Variants in ATP11A observed in about 807,000 individuals in gnomAD.
The protein encoded by ATP11A is ATPase phospholipid transporting 11A, also known as phospholipid-transporting ATPase IH.
ATP11A carries 81 observed loss-of-function variants against 154.4 expected under a neutral mutation model. The observed-to-expected ratio is 0.52, with a 90% CI of 0.44 to 0.63. ATP11A has a LOEUF of 0.63. Ranked by LOEUF, ATP11A falls within the 30% of genes least tolerant of loss-of-function variation. The probability of loss-of-function intolerance (pLI) is 0.00; values close to 1 mark genes in which losing one functional copy is unlikely to be tolerated. For synonymous variants in ATP11A, 623 were observed against 585.9 expected, an observed-to-expected ratio of 1.06 and a Z score of -0.91; for missense variants, 1,316 against 1,474.3, an observed-to-expected ratio of 0.89 and a Z score of 1.76.
In ATP11A at chr13:112,881,989, C is replaced by T. The variant is rs376186548; in HGVS notation, c.*123C>T. The T allele has an allele frequency of 1.3e-5, 18 of 1,367,718 alleles. No homozygotes were observed. The highest frequency in any genetic ancestry group is 2.1e-4 in the Middle Eastern group (1 of 4,790). The allele number at this position is 1,367,718 out of a possible 1,614,324, so 84.7% of individuals were successfully genotyped here. On this transcript the variant is annotated 3_prime_UTR_variant, in exon 30 of 30. Transcript: ENST00000375645. ...TGTCCACGGAGCCCCCACCCATCCT[C>T]GGCGGTTCCCATCACCACTGCAGTT... is the stretch of plus-strand genomic sequence containing the variant.
chr13:112,738,576 A>G (rs189203535), intron 1 of ATP11A, among the ~76,000 whole-genome samples: 9 of 152,326 alleles, frequency 5.9e-5, no homozygotes, highest in Non-Finnish European at 1.0e-4. Context: ...GGCTTCATGC[A>G]GCGCAGAGCT....
At chr13:112,756,309 T>C (rs2076831771) in intron 1 of ATP11A, among the ~76,000 whole-genome samples, 1 of 152,206 alleles carries the variant, frequency 6.6e-6, no homozygotes, top group African/African-American at 2.4e-5. Context: ...TGTCCATCGT[T>C]GCGGTGCCTT....
chr13:112,760,089 G>C (rs9577389), intron 1 of ATP11A, among the ~76,000 whole-genome samples: 46,422 of 152,148 alleles, frequency 0.31, 8,326 homozygotes, highest in Middle Eastern at 0.43. Context: ...CTGTTGAAGA[G>C]CAGTGTGTCA....
intron 20 of ATP11A, among the ~76,000 whole-genome samples, chr13:112,857,003 A>C (rs571358101): frequency 6.6e-6 from 1 of 152,264 alleles, no homozygotes; most frequent in Non-Finnish European, 1.5e-5. Flanking sequence ...TCTCCCTCAC[A>C]TGCGTAACTG....
intron 1 of ATP11A, among the ~76,000 whole-genome samples, chr13:112,715,677 C>T (rs1888383317): frequency 6.7e-6 from 1 of 149,188 alleles, no homozygotes; most frequent in Non-Finnish European, 1.5e-5. Context: ...CTTACTTTCT[C>T]TGGGAATTCT....
chr13:112,831,883 CAT>C (rs371253407), intron 13 of ATP11A, among the ~76,000 whole-genome samples: 24 of 152,288 alleles, frequency 1.6e-4, no homozygotes, highest in African/African-American at 5.1e-4. Context: ...CACACACACA[CAT>C]GCAGACACAC....
intron 1 of ATP11A, among the ~76,000 whole-genome samples, chr13:112,732,700 C>A (rs918764780): frequency 6.6e-6 from 1 of 152,210 alleles, no homozygotes; most frequent in Non-Finnish European, 1.5e-5. Context: ...CAACCTCCCC[C>A]TCCCAGGTTC....
intron 2 of ATP11A, among the ~76,000 whole-genome samples, chr13:112,796,894 A>G (rs1594730007): frequency 1.3e-5 from 2 of 152,176 alleles, no homozygotes; most frequent in East Asian, 1.9e-4. Flanking sequence ...AGACATGTCC[A>G]TAGAAACTTT....
intron 13 of ATP11A, 27 bp from the exon 14 acceptor site, chr13:112,832,833 G>A: frequency 6.2e-7 from 1 of 1,604,848 alleles, no homozygotes; most frequent in Non-Finnish European, 8.5e-7. Flanking sequence ...CCGTGATTTG[G>A]GGGTTCTGGG....
chr13:112,740,167 T>TATATAG (rs1566409049), intron 1 of ATP11A, among the ~76,000 whole-genome samples: 8 of 149,488 alleles, frequency 5.4e-5, no homozygotes, highest in African/African-American at 2.0e-4. Flanking sequence ...TATATATATA[T>TATATAG]ATAGATATCT....
intron 1 of ATP11A, among the ~76,000 whole-genome samples, chr13:112,780,381 G>GC (rs60344542): frequency 0.014 from 2,127 of 152,288 alleles, 64 homozygotes; most frequent in African/African-American, 0.049. Flanking sequence ...GCCCCCGGCA[G>GC]CCCCCGTCTC....
At chr13:112,805,687 A>AC (rs1403543324) in intron 3 of ATP11A, among the ~76,000 whole-genome samples, 1 of 151,686 alleles carries the variant, frequency 6.6e-6, no homozygotes, top group Non-Finnish European at 1.5e-5. Flanking sequence ...AAAAAAAAAA[A>AC]AAGAGAAAGA....
At chr13:112,766,917 T>C (rs867495568) in intron 1 of ATP11A, among the ~76,000 whole-genome samples, 599 of 3,952 alleles carry the variant, frequency 0.15, no homozygotes, top group Middle Eastern at 0.5. Flanking sequence ...GATGTGGGGG[T>C]GTTGGGGGCC....
At chr13:112,770,444 A>G (rs2077198599) in intron 1 of ATP11A, among the ~76,000 whole-genome samples, 1 of 152,220 alleles carries the variant, frequency 6.6e-6, no homozygotes, top group Non-Finnish European at 1.5e-5. Flanking sequence ...AGTCGTTACC[A>G]TGAGTGTGAC....
In ATP11A at chr13:112,824,340, G is replaced by C. The variant is rs7323586; in HGVS notation, c.791-4G>C. 450,897 of 1,610,210 alleles carry C rather than the reference G, an allele frequency of 0.28. 64,691 individuals carry two copies. Among genetic ancestry groups the C allele is most frequent in the Admixed American group, 0.29 (17,657 of 59,996 alleles). On this transcript the variant is annotated splice_polypyrimidine_tract_variant and splice_region_variant and intron_variant, in intron 9 of 29. Coordinates refer to ENST00000375645, the MANE Select transcript of ATP11A (RefSeq NM_015205.3). ...GTCATCACCCTTGCTCTTCCTCTCT[G>C]TAGGTGTGGCTATTTACACGGGAAT... is the stretch of plus-strand genomic sequence containing the variant.
chr13:112,751,191 T>C (rs573371489), intron 1 of ATP11A, among the ~76,000 whole-genome samples: 2 of 152,332 alleles, frequency 1.3e-5, no homozygotes, highest in South Asian at 4.1e-4. Context: ...CATGGATGTT[T>C]GTAGAGGTGG....
chr13:112,864,270 C>A (rs140565359), intron 25 of ATP11A, among the ~76,000 whole-genome samples: 51 of 73,520 alleles, frequency 6.9e-4, no homozygotes, highest in African/African-American at 1.3e-3. Context: ...CCATCACCAC[C>A]TGCGCAGTAA....
intron 20 of ATP11A, 21 bp downstream of exon 20, chr13:112,856,106 A>G: frequency 6.2e-7 from 1 of 1,602,166 alleles, no homozygotes; most frequent in Admixed American, 1.7e-5. Context: ...CCCGTCCTCG[A>G]TAGCTGGTGG....
intron 1 of ATP11A, among the ~76,000 whole-genome samples, chr13:112,749,212 C>T (rs1024528466): frequency 1.3e-5 from 2 of 152,220 alleles, no homozygotes; most frequent in African/African-American, 2.4e-5. Flanking sequence ...CTCCCTAAGC[C>T]GCCAGGCTCT....
Sources: gnomAD v4.1 joint callset for allele counts (sites outside exome capture counted in the v4.1 genomes callset) on GRCh38, gnomAD v4.1.1 for gene constraint, MANE v1.5 for transcripts, NCBI Gene and HGNC (gene_info 2026-07-23, HGNC 2026-07-21) for gene names.